Variants in EXT2 observed in about 807,000 individuals in gnomAD.
EXT2 encodes the protein exostosin-2.
Under a neutral mutation model 81.6 loss-of-function variants are expected in EXT2, and 53 were observed. The ratio of observed to expected loss-of-function variants is 0.65; its 90% CI spans 0.52 to 0.82. The LOEUF (loss-of-function observed/expected upper bound fraction) is 0.82. Ranked by LOEUF, EXT2 falls within the 40% of genes least tolerant of loss-of-function variation. The pLI is 0.00. For missense variants in EXT2, 774 were observed against 910.2 expected (o/e 0.85, Z 1.93); for synonymous variants, 320 against 340.0 (o/e 0.94, Z 0.65).
At chr11:44,109,061 G>C in intron 2 of EXT2, 133 bp from the exon 3 acceptor site, 1 of 829,288 alleles carries the variant, frequency 1.2e-6, no homozygotes, top group Non-Finnish European at 2.0e-6. Context: ...GGGATTTCCA[G>C]GAGTTTGCTT....
Position 44,250,945 on chromosome 11 carries a change from G to T in EXT2, c.*6658G>T, listed in dbSNP as rs1300529404. On this transcript the variant is annotated 3_prime_UTR_variant, in exon 14 of 14. Coordinates refer to ENST00000533608, the MANE Select transcript of EXT2 (RefSeq NM_207122.2). ...GGTAATTAACGAAAATTGTACATTG[G>T]TGGCAGCACCTCCTATAGGATTTCC... Among the ~76,000 whole-genome samples, 1 of 152,192 alleles carries T rather than the reference G, an allele frequency of 6.6e-6. No individual in the cohort carries two copies. Among genetic ancestry groups the T allele is most frequent in the African/African-American group, 2.4e-5 (1 of 41,450 alleles).
chr11:44,165,571 G>A (rs145056943), intron 7 of EXT2, among the ~76,000 whole-genome samples: 45 of 152,290 alleles, frequency 3.0e-4, no homozygotes, highest in African/African-American at 1.1e-3. Context: ...TGTGCCTTTG[G>A]CTGGTGTCCT....
chr11:44,125,007 C>T lies in EXT2; in HGVS notation c.939+23C>T, dbSNP rs57917693. 4,326 of 1,609,148 alleles carry T rather than the reference C, an allele frequency of 2.7e-3. 83 individuals are homozygous for T. In the African/African-American group the frequency reaches 0.046, roughly 17 times the overall value. ...CAGGTGAGTGTCATTCATTACCTCT[C>T]GCAAAGGCTCAGGAGAGTTTGCTTA... On this transcript the variant is annotated intron_variant, in intron 5 of 13. Transcript: ENST00000533608.
At chr11:44,212,910 C>T (rs1360161664) in intron 10 of EXT2, among the ~76,000 whole-genome samples, 4 of 151,900 alleles carry the variant, frequency 2.6e-5, no homozygotes, top group Non-Finnish European at 5.9e-5. Context: ...GGATTGACCA[C>T]AAAAAAGCAA....
intron 13 of EXT2, among the ~76,000 whole-genome samples, chr11:44,242,969 T>C (rs755883748): frequency 6.6e-6 from 1 of 152,242 alleles, no homozygotes; most frequent in Admixed American, 6.5e-5. Flanking sequence ...TATTAATGCA[T>C]AGAAAGCAAT....
At chr11:44,108,934 A>G (rs1381649641) in intron 2 of EXT2, among the ~76,000 whole-genome samples, 2 of 152,182 alleles carry the variant, frequency 1.3e-5, no homozygotes, top group Non-Finnish European at 2.9e-5. Flanking sequence ...AATGGTGAAC[A>G]TTTGGGTAGT....
chr11:44,121,539 T>C (rs965333065), intron 4 of EXT2, among the ~76,000 whole-genome samples: 3 of 152,122 alleles, frequency 2.0e-5, no homozygotes, highest in South Asian at 4.2e-4. Flanking sequence ...ACTTATTTGA[T>C]CAACCCTCTT....
At chr11:44,188,646 A>G (rs1397485056) in intron 8 of EXT2, among the ~76,000 whole-genome samples, 1 of 152,186 alleles carries the variant, frequency 6.6e-6, no homozygotes, top group Non-Finnish European at 1.5e-5. Flanking sequence ...ACAACCATAA[A>G]GCTATAGGCA....
chr11:44,098,527 T>C (rs1953933294), intron 1 of EXT2, among the ~76,000 whole-genome samples: 1 of 151,980 alleles, frequency 6.6e-6, no homozygotes, highest in African/African-American at 2.4e-5. Flanking sequence ...ACTCCGTCTC[T>C]ACTAAAAAAT....
chr11:44,194,608 C>T (rs911455984), intron 8 of EXT2, among the ~76,000 whole-genome samples: 1 of 152,092 alleles, frequency 6.6e-6, no homozygotes, highest in Non-Finnish European at 1.5e-5. Flanking sequence ...ACATCATTTG[C>T]TATTTCTAGT....
Position 44,232,409 on chromosome 11 carries a change from G to C in EXT2, c.1719G>C (p.Trp573Cys). 6.2e-7 allele frequency: 1 copy of C among 1,614,042 alleles called. No individual in the cohort carries two copies. ...LVGYPGRLHLWDHEMNKWKYE... is the reference protein window; with the variant it reads ...LVGYPGRLHLCDHEMNKWKYE... ...GTTACCCGGGTCGTCTGCATCTCTG[G>C]GACCATGAGATGAATAAGTGGAAGT... The change falls in exon 11 of 14, where the codon TGG (tryptophan) becomes TGC (cysteine). Residue 573 changes from tryptophan (W) to cysteine (C), a missense_variant. By Grantham distance (215) the Trp-to-Cys change is radical. Coordinates refer to ENST00000533608, the MANE Select transcript of EXT2 (RefSeq NM_207122.2).
At chr11:44,166,691 G>A (rs1036270584) in intron 7 of EXT2, among the ~76,000 whole-genome samples, 11 of 152,082 alleles carry the variant, frequency 7.2e-5, no homozygotes, top group African/African-American at 2.7e-4. Context: ...CACCCTTTTG[G>A]GTTACTTTAC....
intron 10 of EXT2, among the ~76,000 whole-genome samples, chr11:44,225,909 C>A (rs190996091): frequency 6.6e-6 from 1 of 152,290 alleles, no homozygotes; most frequent in East Asian, 1.9e-4. Context: ...GCTCCAACTG[C>A]CAAAGTGTGA....
rs553176606 is a variant in EXT2 at position 44,214,744 on chromosome 11, G to T, written c.1662+7785G>T. ...GAGGTTTATCCATAATCTTTTCAAAGAATTGACTTTTTTTTTTTTTTTAAA... is the reference window on the plus strand; with the variant it reads ...GAGGTTTATCCATAATCTTTTCAAATAATTGACTTTTTTTTTTTTTTTAAA... On this transcript the variant is annotated intron_variant, in intron 10 of 13. Transcript: ENST00000533608. 5.6e-4 allele frequency among the ~76,000 whole-genome samples: 84 copies of T among 150,542 alleles called. 2 individuals carry two copies. The highest frequency in any genetic ancestry group is 1.0e-3 in the Non-Finnish European group (69 of 67,634).
chr11:44,166,338 G>A (rs1244321262), intron 7 of EXT2, among the ~76,000 whole-genome samples: 1 of 152,172 alleles, frequency 6.6e-6, no homozygotes, highest in Admixed American at 6.5e-5. Context: ...CTGGATGATA[G>A]GAGAGAAAGC....
intron 10 of EXT2, 120 bp downstream of exon 10, chr11:44,207,079 G>T: frequency 8.6e-7 from 1 of 1,164,384 alleles, no homozygotes; most frequent in Non-Finnish European, 1.3e-6. Flanking sequence ...AAATCTTCCA[G>T]TAGAGTCCAA....
At chr11:44,095,951 G>C (rs998800511) in intron 1 of EXT2, 99 bp downstream of exon 1, 20 of 411,808 alleles carry the variant, frequency 4.9e-5, no homozygotes, top group Non-Finnish European at 9.1e-5. Flanking sequence ...CCGAGGGAGC[G>C]CGGCCGCGCG....
At chr11:44,140,997 A>G (rs1175837420) in intron 7 of EXT2, among the ~76,000 whole-genome samples, 1 of 152,182 alleles carries the variant, frequency 6.6e-6, no homozygotes, top group Non-Finnish European at 1.5e-5. Flanking sequence ...AACAAATAAT[A>G]AAATATACTG....
chr11:44,205,507 GACCATTCTCTTTTAGGCTCTGTGCC>G (rs1397001265), intron 9 of EXT2, among the ~76,000 whole-genome samples: 1 of 152,190 alleles, frequency 6.6e-6, no homozygotes, highest in Non-Finnish European at 1.5e-5. Flanking sequence ...TTTTGGAGCT[GACCATTCTCTTTTAGGCTCTGTGCC>G]ACAGGTTTAT....
Sources: gnomAD v4.1 joint callset for allele counts (sites outside exome capture counted in the v4.1 genomes callset) on GRCh38, gnomAD v4.1.1 for gene constraint, MANE v1.5 for transcripts, NCBI Gene and HGNC (gene_info 2026-07-23, HGNC 2026-07-21) for gene names.